The following INTS6 variants were observed in gnomAD, a reference collection of about 807,000 sequenced individuals.
INTS6 encodes integrator complex subunit 6, also known as DEAD box protein.
In INTS6, 16 loss-of-function variants were observed where a neutral mutation model predicts 104.9. That is an observed-to-expected ratio of 0.15 (90% confidence interval 0.10 to 0.23). INTS6 has a LOEUF of 0.23. INTS6 is among the 10% of genes least tolerant of loss of function. The probability of loss-of-function intolerance (pLI) is 1.00; values close to 1 mark genes in which losing one functional copy is unlikely to be tolerated. For synonymous variants in INTS6, 324 were observed against 358.7 expected (o/e 0.90, Z 1.09); for missense variants, 584 against 1,062.8 (o/e 0.55, Z 6.26).
At chr13:51,344,168 T>C in the INTS6 span, 1 of 965,772 alleles carries the variant, frequency 1.0e-6, no homozygotes, top group South Asian at 1.4e-5. Flanking sequence ...TGGCGTTCCA[T>C]CTCAATGCAA....
intron 4 of INTS6, among the ~76,000 whole-genome samples, chr13:51,423,514 C>A (rs1424571479): frequency 6.6e-6 from 1 of 152,070 alleles, no homozygotes; most frequent in Admixed American, 6.6e-5. Flanking sequence ...CCTCTCTCCT[C>A]ATATATGGGG....
intron 5 of INTS6, among the ~76,000 whole-genome samples, chr13:51,392,600 C>T (rs9535655): frequency 0.12 from 17,943 of 152,148 alleles, 1,326 homozygotes; most frequent in South Asian, 0.21. Flanking sequence ...TAATTAACTC[C>T]ATTATTCAGG....
At chr13:51,349,748 G>T (rs1955386732), downstream of INTS6, among the ~76,000 whole-genome samples, 1 of 152,152 alleles carries the variant, frequency 6.6e-6, no homozygotes, top group South Asian at 2.1e-4. Context: ...AACACTGGCA[G>T]GCAGGGAAGG....
chr13:51,440,371 A>T (rs1018643365), intron 3 of INTS6: 8 of 152,120 alleles, frequency 5.3e-5, no homozygotes, highest in African/African-American at 1.4e-4. Context: ...AAAAGAGTTA[A>T]AAAGTTTTAA....
chr13:51,452,342 G>A lies in INTS6; in HGVS notation c.111+73C>T. 9 of 1,279,860 alleles carry A rather than the reference G, an allele frequency of 7.0e-6. No individual in the cohort carries two copies. The highest frequency in any genetic ancestry group is 8.9e-6 in the Non-Finnish European group (9 of 1,010,988). The allele number at this position is 1,279,860 out of a possible 1,614,324, so 79.3% of individuals were successfully genotyped here. A position where few individuals can be genotyped will look rare whatever the true frequency, so the allele number is the denominator to read the frequency against. On this transcript the variant is annotated intron_variant, in intron 1 of 17. Coordinates refer to ENST00000311234, the MANE Select transcript of INTS6 (RefSeq NM_012141.3). This position sits in a 1 kb window ranked among gnomAD's most constrained non-coding sequence, Gnocchi z 4.2. ...GTCAGGTCCCCGACACCCCCGCCCC[G>A]GCCGCCCTCCCCCACCCTGCCGCCC...
chr13:51,355,053 C>CA, intron 3 of INTS6: 1 of 1,528,372 alleles, frequency 6.5e-7, no homozygotes, highest in Non-Finnish European at 8.9e-7. Context: ...GTTTAGGATC[C>CA]AAAATCAATT....
chr13:51,436,899 C>T (rs921885153), intron 3 of INTS6: 12 of 152,066 alleles, frequency 7.9e-5, no homozygotes, highest in African/African-American at 2.7e-4. Context: ...AGTAATTAAG[C>T]TATCAGAAAT....
rs1167308619 is a variant in INTS6, at chr13:51,366,568, T to C, written c.2571-723A>G. Among the ~76,000 whole-genome samples the C allele has an allele frequency of 3.3e-5, 5 of 151,958 alleles. No homozygotes were observed. In the East Asian group the frequency reaches 9.6e-4, roughly 29 times the overall value. ...CTAATATAAATAGCCACCATAATAC[T>C]ACACAACTCTCTAAAAGGTGGCAGA... is the stretch of plus-strand genomic sequence containing the variant. On this transcript the variant is annotated intron_variant, in intron 17 of 17. Transcript: ENST00000311234.
chr13:51,452,752 T>G lies in INTS6; in HGVS notation c.-227A>C, dbSNP rs994010749. On this transcript the variant is annotated 5_prime_UTR_variant, in exon 1 of 18. Transcript: ENST00000311234. The surrounding 1 kb of genome is among the most constrained non-coding windows in gnomAD (Gnocchi z 4.2). ...CCGTCGTACCCCCGCCTCCGCCTCC[T>G]CCTGCCTGCCTGCCCGCTGGGGCGG... 1,750 of 1,235,694 alleles carry G rather than the reference T, an allele frequency of 1.4e-3. 1 individual carries two copies. Among genetic ancestry groups the G allele is most frequent in the Non-Finnish European group, 1.6e-3 (1,565 of 983,986 alleles). The allele number at this position is 1,235,694 out of a possible 1,614,324, so 76.5% of individuals were successfully genotyped here.
chr13:51,374,513 A>C (rs1387109088), intron 14 of INTS6, 74 bp from the exon 15 acceptor site: 1 of 1,525,086 alleles, frequency 6.6e-7, no homozygotes, highest in African/African-American at 1.4e-5. Flanking sequence ...GTCAATTCCA[A>C]TGAAGGTAAC....
intron 8 of INTS6, 32 bp from the exon 9 acceptor site, chr13:51,383,493 AC>A (rs1377147233): frequency 1.2e-6 from 2 of 1,604,882 alleles, no homozygotes; most frequent in Admixed American, 1.7e-5. Flanking sequence ...AACTTTAATA[AC>A]CTTTAAAGAA....
intron 4 of INTS6, among the ~76,000 whole-genome samples, chr13:51,420,710 G>C (rs193266360): frequency 6.7e-6 from 1 of 149,522 alleles, no homozygotes; most frequent in East Asian, 2.0e-4. Context: ...CAAATAACTG[G>C]TATCTAATAA....
At chr13:51,387,581 A>AG (rs1454070770) in intron 6 of INTS6, 41 bp from the exon 7 acceptor site, 15 of 1,464,828 alleles carry the variant, frequency 1.0e-5, no homozygotes, top group African/African-American at 5.7e-5. Flanking sequence ...ATATATCATA[A>AG]GGGGGGATAA....
At chr13:51,451,739 C>CGCCGCCGCCGCT (rs1196101256) in intron 2 of INTS6, among the ~76,000 whole-genome samples, 1 of 149,976 alleles carries the variant, frequency 6.7e-6, no homozygotes, top group Non-Finnish European at 1.5e-5. Context: ...CCGCCGCCGC[C>CGCCGCCGCCGCT]GCCGCCGCTG....
intron 3 of INTS6, chr13:51,449,489 G>T: frequency 3.0e-6 from 3 of 985,318 alleles, no homozygotes; most frequent in Non-Finnish European, 3.6e-6. Context: ...CAATCTTTAA[G>T]AAGTATTTTT....
intron 3 of INTS6, among the ~76,000 whole-genome samples, chr13:51,432,688 T>C (rs1957115534): frequency 6.6e-6 from 1 of 152,202 alleles, no homozygotes; most frequent in Non-Finnish European, 1.5e-5. Context: ...GTATGTTACC[T>C]TTACCTCAAT....
intron 15 of INTS6, 137 bp downstream of exon 15, chr13:51,374,071 T>C (rs1955866302): frequency 3.1e-6 from 2 of 647,918 alleles, no homozygotes; most frequent in Non-Finnish European, 5.3e-6. Context: ...TACATGCTCA[T>C]TTAAACAAAT....
At chr13:51,360,738 A>G (rs1194433642), downstream of INTS6, among the ~76,000 whole-genome samples, 2 of 152,068 alleles carry the variant, frequency 1.3e-5, no homozygotes, top group Non-Finnish European at 2.9e-5. Flanking sequence ...ACACATTCAT[A>G]TTACTCTGAA....
chr13:51,346,381 G>C, the INTS6 span, among the ~76,000 whole-genome samples: 1 of 152,160 alleles, frequency 6.6e-6, no homozygotes, highest in Non-Finnish European at 1.5e-5. Flanking sequence ...CCTTCCAAGG[G>C]TCTGCCTGGG....
Sources: gnomAD v4.1 joint callset for allele counts (sites outside exome capture counted in the v4.1 genomes callset) on GRCh38, gnomAD v4.1.1 for gene constraint, Gnocchi (gnomAD v3.1) non-coding constraint, MANE v1.5 for transcripts, NCBI Gene and HGNC (gene_info 2026-07-23, HGNC 2026-07-21) for gene names.